The following FAIM2 variants were observed in gnomAD, a reference collection of about 807,000 sequenced individuals.
FAIM2 encodes Fas apoptotic inhibitory molecule 2.
Under a neutral mutation model 47.4 loss-of-function variants are expected in FAIM2, and 27 were observed. The observed-to-expected ratio is 0.57, with a 90% CI of 0.42 to 0.78. FAIM2 has a LOEUF of 0.78. Ranked by LOEUF, FAIM2 falls within the 30% of genes least tolerant of loss-of-function variation. The pLI is 0.00. For missense variants in FAIM2, 311 were observed against 389.4 expected (o/e 0.80, Z 1.69); for synonymous variants, 156 against 159.3 (o/e 0.98, Z 0.16).
intron 5 of FAIM2, among the ~76,000 whole-genome samples, chr12:49,893,052 C>T (rs1946911317): frequency 6.6e-6 from 1 of 152,222 alleles, no homozygotes; most frequent in Non-Finnish European, 1.5e-5. Flanking sequence ...CACCCCACTA[C>T]CACCCTTTGA....
chr12:49,883,916 T>A (rs1323903270), intron 11 of FAIM2, among the ~76,000 whole-genome samples: 8 of 152,050 alleles, frequency 5.3e-5, no homozygotes, highest in Admixed American at 5.2e-4. Flanking sequence ...GATGAGAGTG[T>A]GTTTAAGAGG....
At chr12:49,888,076 T>C (rs898524932) in intron 10 of FAIM2, among the ~76,000 whole-genome samples, 1 of 152,174 alleles carries the variant, frequency 6.6e-6, no homozygotes, top group Non-Finnish European at 1.5e-5. Context: ...GGGCCCTCCA[T>C]GGGGCCCTCC....
intron 11 of FAIM2, among the ~76,000 whole-genome samples, chr12:49,872,668 A>G (rs903141369): frequency 6.6e-6 from 1 of 152,192 alleles, no homozygotes; most frequent in African/African-American, 2.4e-5. Flanking sequence ...AGGCAGGGCC[A>G]CCGTCAAAGG....
At chr12:49,881,936 G>A (rs1241189756) in intron 11 of FAIM2, among the ~76,000 whole-genome samples, 2 of 152,222 alleles carry the variant, frequency 1.3e-5, no homozygotes, top group Non-Finnish European at 1.5e-5. Context: ...TGCCCTCAAA[G>A]ATGGCAGAAT....
At position 49,870,262 on chromosome 12, in the gene FAIM2, C is replaced by G. The variant is rs1946692223; in HGVS notation, c.*242G>C. The G allele has an allele frequency of 2.3e-6, 1 of 426,198 alleles. No individual in the cohort carries two copies. The highest frequency in any genetic ancestry group is 4.3e-6 in the Non-Finnish European group (1 of 234,594). The allele number at this position is 426,198 out of a possible 1,614,324, so 26.4% of individuals were successfully genotyped here. ...AGAGGAGCCTTCAGCCTTGACCGTC[C>G]CAGTTTGGAAGATGTAACGGGCGAA... is the stretch of plus-strand genomic sequence containing the variant. On this transcript the variant is annotated 3_prime_UTR_variant, in exon 12 of 12. Coordinates refer to ENST00000320634, the MANE Select transcript of FAIM2 (RefSeq NM_012306.4).
In FAIM2 at chr12:49,874,580, G is replaced by A. The variant is rs771458590; in HGVS notation, c.802-3927C>T. Among the ~76,000 whole-genome samples, 4 of 152,204 alleles carry A rather than the reference G, an allele frequency of 2.6e-5. No individual in the cohort carries two copies. The highest frequency in any genetic ancestry group is 2.0e-4 in the Admixed American group (3 of 15,284). On this transcript the variant is annotated intron_variant, in intron 11 of 11. Transcript: ENST00000320634. The surrounding 1 kb of genome is among the most constrained non-coding windows in gnomAD (Gnocchi z 4.2). Reference sequence around the variant, plus strand: ...ATATCTGGGGCCCAGGCTTATGTCCGTTGTCCTCCCTGAATGTGGCCCCAG... The same window carrying A: ...ATATCTGGGGCCCAGGCTTATGTCCATTGTCCTCCCTGAATGTGGCCCCAG...
chr12:49,897,604 A>G, intron 3 of FAIM2, 21 bp from the exon 4 acceptor site: 3 of 1,604,186 alleles, frequency 1.9e-6, no homozygotes, highest in Non-Finnish European at 2.6e-6. Context: ...GAGGGGTTCT[A>G]CTCAGCTTGG....
At chr12:49,891,911 A>G (rs952216096) in intron 5 of FAIM2, among the ~76,000 whole-genome samples, 2 of 152,146 alleles carry the variant, frequency 1.3e-5, no homozygotes, top group Non-Finnish European at 2.9e-5. Flanking sequence ...AGGAGGTGGG[A>G]GATGATGGCT....
intron 7 of FAIM2, 122 bp from the exon 8 acceptor site, chr12:49,890,276 C>T: frequency 1.2e-6 from 1 of 835,002 alleles, no homozygotes; most frequent in Non-Finnish European, 2.0e-6. Context: ...TCTATGTCAC[C>T]CCCACACACA....
At chr12:49,900,990 A>G in intron 2 of FAIM2, 140 bp downstream of exon 2, 1 of 625,820 alleles carries the variant, frequency 1.6e-6, no homozygotes, top group East Asian at 3.4e-5. Context: ...CTAGTTCTCC[A>G]AATCCTAAGC....
rs1946951689 is a variant in FAIM2, at chr12:49,898,006, C to T, written c.296G>A (p.Arg99His). 19 of 1,613,708 alleles carry T rather than the reference C, an allele frequency of 1.2e-5. No individual in the cohort carries two copies. The highest frequency in any genetic ancestry group is 2.2e-5 in the East Asian group (1 of 44,890). Residue 99 changes from arginine (R) to histidine (H), a missense_variant, in exon 3 of 12, where the codon CGT (arginine) becomes CAT (histidine). Arg to His is a conservative substitution (Grantham distance 29). Coordinates refer to ENST00000320634, the MANE Select transcript of FAIM2 (RefSeq NM_012306.4). ...TTFSWDDQKV[R>H]RVFVRKVYTI... ...CATTACCTTTCTGACAAAGACTCGA[C>T]GAACTTTCTGGTCATCCCAGCTGAA... is the stretch of plus-strand genomic sequence containing the variant.
At chr12:49,879,668 GTGTGTGCATGTGTGTATCTGTGTC>G (rs1946788431) in intron 11 of FAIM2, among the ~76,000 whole-genome samples, 1 of 139,212 alleles carries the variant, frequency 7.2e-6, no homozygotes, top group South Asian at 2.2e-4. Flanking sequence ...GTATATGTGA[GTGTGTGCATGTGTGTATCTGTGTC>G]TGTGTGCATG....
chr12:49,891,580 G>A (rs1168941588), intron 5 of FAIM2, among the ~76,000 whole-genome samples: 1 of 152,128 alleles, frequency 6.6e-6, no homozygotes, highest in Non-Finnish European at 1.5e-5. Flanking sequence ...GAGAACCCAG[G>A]CACTCTGGCT....
At chr12:49,880,493 T>C (rs1946809079) in intron 11 of FAIM2, among the ~76,000 whole-genome samples, 1 of 112,200 alleles carries the variant, frequency 8.9e-6, no homozygotes, top group Non-Finnish European at 1.8e-5. Flanking sequence ...TATGCATGTG[T>C]ATGTGTGTGT....
At position 49,868,226 on chromosome 12, in the gene FAIM2, C is replaced by T. The variant is rs1031915378; in HGVS notation, c.*2278G>A. 1.3e-5 allele frequency: 2 copies of T among 152,314 alleles called. No individual in the cohort carries two copies. The highest frequency in any genetic ancestry group is 2.9e-5 in the Non-Finnish European group (2 of 68,220). The allele number at this position is 152,314 out of a possible 1,614,324, so 9.4% of individuals were successfully genotyped here. ...AGATGAGGAGAGGAAACTGAGGGGCCCGGAGGAGAGGAGGTGGAGGAGGGT... is the reference window on the plus strand; with the variant it reads ...AGATGAGGAGAGGAAACTGAGGGGCTCGGAGGAGAGGAGGTGGAGGAGGGT... On this transcript the variant is annotated 3_prime_UTR_variant, in exon 12 of 12. Coordinates refer to ENST00000320634, the MANE Select transcript of FAIM2 (RefSeq NM_012306.4).
intron 5 of FAIM2, among the ~76,000 whole-genome samples, chr12:49,892,907 A>G (rs1314899517): frequency 6.6e-6 from 1 of 152,130 alleles, no homozygotes; most frequent in Non-Finnish European, 1.5e-5. Context: ...CCTGCAGAGG[A>G]TGTCATGCAT....
chr12:49,892,104 C>A (rs1008068199), intron 5 of FAIM2, among the ~76,000 whole-genome samples: 1 of 152,142 alleles, frequency 6.6e-6, no homozygotes, highest in African/African-American at 2.4e-5. Flanking sequence ...CCTCCCAGGC[C>A]CCCTCACTCT....
chr12:49,889,274 C>T, intron 9 of FAIM2, 72 bp from the exon 10 acceptor site: 1 of 1,189,854 alleles, frequency 8.4e-7, no homozygotes, highest in Non-Finnish European at 1.2e-6. Flanking sequence ...AGGCTGAGCC[C>T]ATACAGCAGG....
At chr12:49,893,601 A>G (rs1172600007) in intron 5 of FAIM2, among the ~76,000 whole-genome samples, 2 of 152,222 alleles carry the variant, frequency 1.3e-5, no homozygotes, top group East Asian at 3.8e-4. Flanking sequence ...ACCCAAAAAA[A>G]CGAAACAAGA....
Sources: allele counts gnomAD v4.1 joint callset (sites outside exome capture counted in the v4.1 genomes callset), GRCh38; gene constraint gnomAD v4.1.1; non-coding constraint Gnocchi (gnomAD v3.1); transcripts MANE v1.5; gene names NCBI Gene and HGNC (gene_info 2026-07-23, HGNC 2026-07-21).